AIG1: variants seen among roughly 807,000 people sequenced by gnomAD.
AIG1 encodes the protein androgen-induced gene 1 protein.
AIG1 carries 23 observed loss-of-function variants against 31.4 expected under a neutral mutation model. The observed-to-expected ratio is 0.73, with a 90% CI of 0.53 to 1.04. The LOEUF is 1.04. AIG1 is among the 50% of genes least tolerant of loss of function. The probability of loss-of-function intolerance (pLI) is 0.00; values close to 1 mark genes in which losing one functional copy is unlikely to be tolerated. For missense variants in AIG1, 274 were observed against 295.0 expected (o/e 0.93, Z 0.52); for synonymous variants, 100 against 110.5 (o/e 0.90, Z 0.60).
rs142790379 is a variant in AIG1 at position 143,283,960 on chromosome 6, C to T, written c.400-150C>T. 363 of 488,330 alleles carry T rather than the reference C, an allele frequency of 7.4e-4. 3 individuals are homozygous for T. Among genetic ancestry groups the T allele is most frequent in the African/African-American group, 4.3e-3 (221 of 51,154 alleles). The allele number at this position is 488,330 out of a possible 1,614,324, so 30.2% of individuals were successfully genotyped here. On this transcript the variant is annotated intron_variant, in intron 3 of 5. Transcript: ENST00000357847. Reference sequence around the variant, plus strand: ...GCAATCAACGCACTATGTGGTTTTACGTCCATTCTACTTCTTTGGCGAGCC... The same window carrying T: ...GCAATCAACGCACTATGTGGTTTTATGTCCATTCTACTTCTTTGGCGAGCC...
Position 143,103,960 on chromosome 6 carries a change from A to G in AIG1, c.142-32875A>G, listed in dbSNP as rs889467623. 3.3e-5 allele frequency among the ~76,000 whole-genome samples: 5 copies of G among 152,180 alleles called. No homozygotes were observed. The East Asian group carries it at 5.8e-4, about 18-fold the overall frequency. ...ATGATTTGCCTTCATTTTCTGCCCT[A>G]AATGGAAGGAATTGACAATGTTTCT... is the stretch of plus-strand genomic sequence containing the variant. On this transcript the variant is annotated intron_variant, in intron 1 of 5. Coordinates refer to ENST00000357847, the MANE Select transcript of AIG1 (RefSeq NM_016108.4).
intron 2 of AIG1, among the ~76,000 whole-genome samples, chr6:143,140,311 A>G (rs1784139667): frequency 6.6e-6 from 1 of 152,150 alleles, no homozygotes; most frequent in African/African-American, 2.4e-5. Flanking sequence ...CAGCCAAACT[A>G]TATCAGTATT....
intron 4 of AIG1, among the ~76,000 whole-genome samples, chr6:143,316,849 C>A (rs992383137): frequency 6.6e-6 from 1 of 151,912 alleles, no homozygotes; most frequent in African/African-American, 2.4e-5. Flanking sequence ...CACAGAAATA[C>A]AAGAGTTCAT....
chr6:143,089,266 TTATA>T lies in AIG1; in HGVS notation c.141+28205_141+28208del, dbSNP rs971364300. ...AATATACTACCAATTTATTAGAGAATTATATATAGCATATTATACATCTATTAAT... is the reference window on the plus strand; with the variant it reads ...AATATACTACCAATTTATTAGAGAATTATAGCATATTATACATCTATTAAT... On this transcript the variant is annotated intron_variant, in intron 1 of 5. Coordinates refer to ENST00000357847, the MANE Select transcript of AIG1 (RefSeq NM_016108.4). 3.3e-5 allele frequency among the ~76,000 whole-genome samples: 5 copies of T among 151,744 alleles called. No homozygotes were observed. In the South Asian group the frequency reaches 6.2e-4, roughly 19 times the overall value.
intron 3 of AIG1, among the ~76,000 whole-genome samples, chr6:143,273,218 T>C (rs1445022157): frequency 6.6e-6 from 1 of 152,216 alleles, no homozygotes; most frequent in East Asian, 1.9e-4. Flanking sequence ...TGCAGGATGC[T>C]GATATCTACG....
At chr6:143,342,892 T>C, downstream of AIG1, 2 of 870,708 alleles carry the variant, frequency 2.3e-6, no homozygotes, top group Non-Finnish European at 4.0e-6. Context: ...ATTCAATCAT[T>C]TCTCCTTATT....
intron 1 of AIG1, among the ~76,000 whole-genome samples, chr6:143,118,423 C>A (rs1342772587): frequency 6.6e-6 from 1 of 150,444 alleles, no homozygotes; most frequent in Non-Finnish European, 1.5e-5. Flanking sequence ...CGTGCCACTG[C>A]ACTCCAGCCT....
chr6:143,069,786 A>G (rs933030782), intron 1 of AIG1, among the ~76,000 whole-genome samples: 1 of 152,218 alleles, frequency 6.6e-6, no homozygotes, highest in Non-Finnish European at 1.5e-5. Flanking sequence ...TAAACAGAGC[A>G]AAAGTTCATT....
chr6:143,188,058 G>T, intron 3 of AIG1: 3 of 1,071,518 alleles, frequency 2.8e-6, no homozygotes, highest in Non-Finnish European at 3.4e-6. Flanking sequence ...ATTTGCTGAA[G>T]GAGAGGTTGA....
At chr6:143,311,632 A>C (rs963583429) in intron 4 of AIG1, among the ~76,000 whole-genome samples, 4 of 151,860 alleles carry the variant, frequency 2.6e-5, no homozygotes, top group Non-Finnish European at 5.9e-5. Flanking sequence ...AAGGAAAAAA[A>C]CCTCTCAGAA....
intron 1 of AIG1, among the ~76,000 whole-genome samples, chr6:143,104,600 C>T (rs1001609301): frequency 2.6e-5 from 4 of 152,102 alleles, no homozygotes. Flanking sequence ...TCAGAGAAAA[C>T]ATAGAAACTA....
At chr6:143,248,257 A>G (rs1245854832) in intron 3 of AIG1, among the ~76,000 whole-genome samples, 2 of 152,240 alleles carry the variant, frequency 1.3e-5, no homozygotes, top group African/African-American at 4.8e-5. Flanking sequence ...ATTGATAGTC[A>G]TGTGCCCTAA....
chr6:143,243,970 G>C (rs545795148), intron 3 of AIG1, among the ~76,000 whole-genome samples: 1 of 152,110 alleles, frequency 6.6e-6, no homozygotes, highest in South Asian at 2.1e-4. Context: ...CTTCAGGCAG[G>C]TCCTTTCAAG....
intron 1 of AIG1, among the ~76,000 whole-genome samples, chr6:143,124,626 T>G (rs560478384): frequency 2.2e-4 from 33 of 152,284 alleles, no homozygotes; most frequent in African/African-American, 7.9e-4. Context: ...TATGAAGAAA[T>G]ACCCGAGGGT....
chr6:143,343,178 A>G, downstream of AIG1: 1 of 726,568 alleles, frequency 1.4e-6, no homozygotes, highest in Non-Finnish European at 2.6e-6. Context: ...GAAATGCCCT[A>G]CAATCCATTA....
chr6:143,200,044 C>T (rs1321513622), intron 3 of AIG1, among the ~76,000 whole-genome samples: 4 of 152,116 alleles, frequency 2.6e-5, no homozygotes, highest in Non-Finnish European at 4.4e-5. Flanking sequence ...GTGTGGGTAT[C>T]TGGATGTCTC....
intron 2 of AIG1, among the ~76,000 whole-genome samples, chr6:143,144,432 G>A (rs1784548817): frequency 6.6e-6 from 1 of 152,162 alleles, no homozygotes; most frequent in Non-Finnish European, 1.5e-5. Context: ...AGGGTGTCAT[G>A]AGTATAATAA....
At chr6:143,147,072 TC>T (rs1784779293) in intron 2 of AIG1, among the ~76,000 whole-genome samples, 1 of 152,138 alleles carries the variant, frequency 6.6e-6, no homozygotes, top group South Asian at 2.1e-4. Flanking sequence ...TCCAGAAGTT[TC>T]CCACCAGAGA....
chr6:143,153,441 G>A (rs189104682), intron 2 of AIG1, among the ~76,000 whole-genome samples: 4 of 152,196 alleles, frequency 2.6e-5, no homozygotes, highest in East Asian at 3.9e-4. Flanking sequence ...TCCACCTCCC[G>A]GGTTCAAGTG....
Sources: gnomAD v4.1 joint callset for allele counts (sites outside exome capture counted in the v4.1 genomes callset) on GRCh38, gnomAD v4.1.1 for gene constraint, MANE v1.5 for transcripts, NCBI Gene and HGNC (gene_info 2026-07-23, HGNC 2026-07-21) for gene names.